Variants in C14orf132 observed in about 807,000 individuals in gnomAD.
The protein encoded by C14orf132 is chromosome 14 open reading frame 132, also known as uncharacterized protein C14orf132.
Under a neutral mutation model 5.8 loss-of-function variants are expected in C14orf132, and 6 were observed. The ratio of observed to expected loss-of-function variants is 1.03; its 90% CI spans 0.57 to 2.04. C14orf132 has a LOEUF of 2.04. Ranked by LOEUF, C14orf132 falls within the 30% of genes most tolerant of loss-of-function variation. The pLI is 0.00. For synonymous variants in C14orf132, 51 were observed against 49.8 expected (o/e 1.02, Z -0.10); for missense variants, 125 against 115.8 (o/e 1.08, Z -0.37).
chr14:96,070,596 TCACACA>T (rs77447486), intron 1 of C14orf132, among the ~76,000 whole-genome samples: 43 of 142,652 alleles, frequency 3.0e-4, no homozygotes, highest in African/African-American at 7.5e-4. Context: ...TCTCTCTCTC[TCACACA>T]CACACACACA....
chr14:96,077,231 G>C (rs753949153), intron 1 of C14orf132, among the ~76,000 whole-genome samples: 55 of 152,306 alleles, frequency 3.6e-4, no homozygotes, highest in Non-Finnish European at 4.3e-4. Flanking sequence ...CAAGAGAGAA[G>C]TGCTGAGGTG....
intron 1 of C14orf132, among the ~76,000 whole-genome samples, chr14:96,051,927 A>C (rs1887038819): frequency 6.6e-6 from 1 of 152,272 alleles, no homozygotes. Context: ...CCTGTGAGGC[A>C]GGAGCCCCGC....
Position 96,089,133 on chromosome 14 carries a change from A to T in C14orf132, c.*2398A>T, listed in dbSNP as rs1888302229. 1 of 152,230 alleles carries T rather than the reference A, an allele frequency of 6.6e-6. No homozygotes were observed. The highest frequency in any genetic ancestry group is 6.5e-5 in the Admixed American group (1 of 15,288). The allele number at this position is 152,230 out of a possible 1,614,324, so 9.4% of individuals were successfully genotyped here. On this transcript the variant is annotated 3_prime_UTR_variant, in exon 2 of 2. Transcript: ENST00000555004. ...CAGCATCTCTCAAATAACAATGAAG[A>T]TAGATATGCCCATTAGTGTCTGATT...
At chr14:96,086,490 T>C in intron 1 of C14orf132, 21 bp from the exon 2 acceptor site, 1 of 1,534,526 alleles carries the variant, frequency 6.5e-7, no homozygotes, top group Non-Finnish European at 8.7e-7. Flanking sequence ...CCTGGATAAT[T>C]CTCTCTCTCC....
intron 1 of C14orf132, among the ~76,000 whole-genome samples, chr14:96,049,104 A>G (rs992972924): frequency 6.6e-6 from 1 of 151,720 alleles, no homozygotes; most frequent in African/African-American, 2.4e-5. Context: ...TTTTGTATTT[A>G]TAGTAGAGAC....
chr14:96,045,622 C>T (rs954602463), intron 1 of C14orf132, among the ~76,000 whole-genome samples: 3 of 152,156 alleles, frequency 2.0e-5, no homozygotes, highest in Non-Finnish European at 2.9e-5. Context: ...GGCCTGGGGC[C>T]GCAGGTGCTT....
chr14:96,058,511 C>T (rs567804519), intron 1 of C14orf132, among the ~76,000 whole-genome samples: 24 of 152,264 alleles, frequency 1.6e-4, no homozygotes, highest in East Asian at 5.8e-4. Context: ...TCCAATCCTT[C>T]ACCCATGCTG....
chr14:96,081,863 G>A (rs898521642), intron 1 of C14orf132, among the ~76,000 whole-genome samples: 7 of 152,150 alleles, frequency 4.6e-5, no homozygotes, highest in African/African-American at 1.7e-4. Context: ...GCCTCCCAAA[G>A]TGCTGGGATT....
At chr14:96,074,760 C>A (rs763533584) in intron 1 of C14orf132, among the ~76,000 whole-genome samples, 29 of 149,946 alleles carry the variant, frequency 1.9e-4, no homozygotes, top group Non-Finnish European at 3.2e-4. Flanking sequence ...ATTTCTGGAC[C>A]CTCTATTTAA....
intron 1 of C14orf132, among the ~76,000 whole-genome samples, chr14:96,078,655 C>G (rs1388242946): frequency 1.3e-5 from 2 of 152,164 alleles, no homozygotes; most frequent in Non-Finnish European, 2.9e-5. Context: ...GGGAACAGAT[C>G]CAGCAAAAGA....
At chr14:96,063,944 T>G (rs193197714) in intron 1 of C14orf132, among the ~76,000 whole-genome samples, 1 of 152,260 alleles carries the variant, frequency 6.6e-6, no homozygotes, top group African/African-American at 2.4e-5. Context: ...AAAGAAGATA[T>G]GCAAATGGCC....
intron 1 of C14orf132, among the ~76,000 whole-genome samples, chr14:96,049,545 T>TATACGTATATATATACAC (rs1886945103): frequency 7.4e-6 from 1 of 134,718 alleles, no homozygotes; most frequent in African/African-American, 2.6e-5. Flanking sequence ...TACATACGTA[T>TATACGTATATATATACAC]ATATATACAT....
chr14:96,068,045 G>A (rs892885990), intron 1 of C14orf132, among the ~76,000 whole-genome samples: 2 of 152,248 alleles, frequency 1.3e-5, no homozygotes, highest in African/African-American at 4.8e-5. Flanking sequence ...ATAAATATTA[G>A]CTTTCATTTT....
intron 1 of C14orf132, among the ~76,000 whole-genome samples, chr14:96,076,996 T>C (rs1887888174): frequency 6.6e-6 from 1 of 152,256 alleles, no homozygotes; most frequent in Non-Finnish European, 1.5e-5. Context: ...AATTCCATTA[T>C]GATCAGAAGA....
At chr14:96,068,362 T>C (rs10131593) in intron 1 of C14orf132, among the ~76,000 whole-genome samples, 15,380 of 152,204 alleles carry the variant, frequency 0.1, 1,284 homozygotes, top group African/African-American at 0.23. Flanking sequence ...AAGGCCTGGA[T>C]GCCATTCCCA....
intron 1 of C14orf132, among the ~76,000 whole-genome samples, chr14:96,071,187 G>A (rs771489707): frequency 1.3e-5 from 2 of 152,124 alleles, no homozygotes; most frequent in Non-Finnish European, 2.9e-5. Context: ...TCACATGATG[G>A]CAGGAAGGAG....
chr14:96,043,897 C>G (rs1403500506), intron 1 of C14orf132, among the ~76,000 whole-genome samples: 19 of 152,220 alleles, frequency 1.2e-4, no homozygotes, highest in Admixed American at 1.2e-3. Flanking sequence ...TCCCTCTCTC[C>G]AGGCCACACC....
chr14:96,080,907 G>A (rs189420813), intron 1 of C14orf132, among the ~76,000 whole-genome samples: 24 of 152,284 alleles, frequency 1.6e-4, no homozygotes, highest in Admixed American at 3.3e-4. Flanking sequence ...ACCATCACGC[G>A]TTTGGTGCAC....
intron 1 of C14orf132, among the ~76,000 whole-genome samples, chr14:96,080,782 G>A (rs779950311): frequency 8.6e-5 from 13 of 151,962 alleles, no homozygotes; most frequent in Non-Finnish European, 1.8e-4. Flanking sequence ...ACCCCACATC[G>A]CACTCAGCCA....
Sources: gnomAD v4.1 joint callset for allele counts (sites outside exome capture counted in the v4.1 genomes callset) on GRCh38, gnomAD v4.1.1 for gene constraint, MANE v1.5 for transcripts, NCBI Gene and HGNC (gene_info 2026-07-23, HGNC 2026-07-21) for gene names.